GPR137C: variants seen among roughly 807,000 people sequenced by gnomAD.
GPR137C encodes the protein G protein-coupled receptor 137C, also known as integral membrane protein GPR137C.
Under a neutral mutation model 43.4 loss-of-function variants are expected in GPR137C, and 27 were observed. That is an observed-to-expected ratio of 0.62 (90% CI 0.46 to 0.86). GPR137C has a LOEUF of 0.86. GPR137C is among the 40% of genes least tolerant of loss of function. The probability of loss-of-function intolerance (pLI) is 0.00; values close to 1 mark genes in which losing one functional copy is unlikely to be tolerated. For missense variants in GPR137C, 522 were observed against 534.6 expected (o/e 0.98, Z 0.23); for synonymous variants, 285 against 226.9 (o/e 1.26, Z -2.30).
intron 1 of GPR137C, among the ~76,000 whole-genome samples, chr14:52,594,728 G>A (rs1352426834): frequency 6.6e-6 from 1 of 152,008 alleles, no homozygotes; most frequent in Admixed American, 6.6e-5. Flanking sequence ...CATGAGATGG[G>A]TCTCCTGAAT....
chr14:52,610,359 C>T (rs1188319019), intron 3 of GPR137C, among the ~76,000 whole-genome samples: 1 of 152,176 alleles, frequency 6.6e-6, no homozygotes, highest in Non-Finnish European at 1.5e-5. Context: ...AGGGTAGTCT[C>T]CCCTTATCTG....
rs373694592 is a variant in GPR137C at position 52,553,339 on chromosome 14, C to T, written c.192C>T (p.Ala64=). ...TCTACGCCGCGCTGTTCGCCTTTGC[C>T]TACCTGCAGCTGTGGCGGCTGCTCC... ...ALLYAALFAF[A]YLQLWRLLLY... The change falls in exon 1 of 7, where the codon GCC becomes GCT. Residue 64 remains alanine, a synonymous_variant. Transcript: ENST00000321662. The T allele has an allele frequency of 7.5e-6, 12 of 1,601,172 alleles. No individual in the cohort carries two copies. Among genetic ancestry groups the T allele is most frequent in the South Asian group, 1.1e-5 (1 of 90,156 alleles).
intron 1 of GPR137C, among the ~76,000 whole-genome samples, chr14:52,593,202 G>C (rs2038806284): frequency 6.6e-6 from 1 of 152,178 alleles, no homozygotes; most frequent in South Asian, 2.1e-4. Flanking sequence ...TGGTGGATAA[G>C]CTTTTTGATG....
At chr14:52,634,386 G>T (rs765235085) in intron 6 of GPR137C, among the ~76,000 whole-genome samples, 1 of 152,024 alleles carries the variant, frequency 6.6e-6, no homozygotes, top group Admixed American at 6.6e-5. Context: ...TTTCAAGTCC[G>T]TAACTAGTAC....
chr14:52,603,237 T>C (rs1002032494), intron 3 of GPR137C, among the ~76,000 whole-genome samples: 2 of 152,220 alleles, frequency 1.3e-5, no homozygotes, highest in East Asian at 1.9e-4. Flanking sequence ...CTTAACATAA[T>C]GAACTCCAGG....
intron 1 of GPR137C, among the ~76,000 whole-genome samples, chr14:52,558,711 T>C (rs2038232764): frequency 6.6e-6 from 1 of 152,190 alleles, no homozygotes; most frequent in African/African-American, 2.4e-5. Flanking sequence ...TAATCATTTA[T>C]GAATTAAACA....
chr14:52,627,122 A>G (rs2139576661), intron 3 of GPR137C, among the ~76,000 whole-genome samples: 1 of 152,276 alleles, frequency 6.6e-6, no homozygotes, highest in African/African-American at 2.4e-5. Context: ...GCTGGAGGTG[A>G]TGGCTTACAC....
intron 1 of GPR137C, among the ~76,000 whole-genome samples, chr14:52,561,514 A>G (rs1229163163): frequency 6.6e-6 from 1 of 152,220 alleles, no homozygotes; most frequent in East Asian, 1.9e-4. Context: ...ATATGTTCCT[A>G]TAAAAACTTG....
rs184145792 is a variant in GPR137C at position 52,557,511 on chromosome 14, A to G, written c.444+3920A>G. ...GAGTCAGTTACTGTTTACCAGAAAT[A>G]CTGGTTTAGTTCAATGTTTGACTTT... On this transcript the variant is annotated intron_variant, in intron 1 of 6. Transcript: ENST00000321662. Among the ~76,000 whole-genome samples the G allele has an allele frequency of 8.5e-5, 13 of 152,328 alleles. No homozygotes were observed. In the South Asian group the frequency reaches 1.9e-3, roughly 22 times the overall value.
chr14:52,576,256 G>T (rs932162072), intron 1 of GPR137C, among the ~76,000 whole-genome samples: 5 of 152,164 alleles, frequency 3.3e-5, no homozygotes, highest in Non-Finnish European at 5.9e-5. Context: ...TTTTACTTAG[G>T]ATAATGGCCT....
chr14:52,592,472 G>A lies in GPR137C; in HGVS notation c.445-5800G>A, dbSNP rs571810792. On this transcript the variant is annotated intron_variant, in intron 1 of 6. Coordinates refer to ENST00000321662, the MANE Select transcript of GPR137C (RefSeq NM_001099652.2). ...TTCTTCCTATCCATGAGCATGGAAT[G>A]TTCTTCCATTTGTTTGTGTCCTCTT... is the stretch of plus-strand genomic sequence containing the variant. Among the ~76,000 whole-genome samples, 33 of 152,250 alleles carry A rather than the reference G, an allele frequency of 2.2e-4. 1 individual carries two copies. The East Asian group carries it at 4.8e-3, about 22-fold the overall frequency.
Position 52,599,288 on chromosome 14 carries a change from A to C in GPR137C, c.489-825A>C, listed in dbSNP as rs537065473. ...AGTAAATATGCAACTTTTTAAGAAC[A>C]TGAGGTATTAATGGGTGCTTGAAGC... On this transcript the variant is annotated intron_variant, in intron 2 of 6. Coordinates refer to ENST00000321662, the MANE Select transcript of GPR137C (RefSeq NM_001099652.2). Among the ~76,000 whole-genome samples, 8 of 152,308 alleles carry C rather than the reference A, an allele frequency of 5.3e-5. No individual in the cohort carries two copies. The South Asian group carries it at 1.7e-3, about 32-fold the overall frequency.
At chr14:52,600,642 C>T (rs1330169181) in intron 3 of GPR137C, among the ~76,000 whole-genome samples, 3 of 151,890 alleles carry the variant, frequency 2.0e-5, no homozygotes, top group Non-Finnish European at 2.9e-5. Flanking sequence ...ACACTTTGAG[C>T]GTGAAAGAAT....
At chr14:52,622,694 T>G (rs1349703303) in intron 3 of GPR137C, among the ~76,000 whole-genome samples, 1 of 152,150 alleles carries the variant, frequency 6.6e-6, no homozygotes, top group South Asian at 2.1e-4. Context: ...AGTGGTTAGA[T>G]CCACTAACAA....
intron 3 of GPR137C, among the ~76,000 whole-genome samples, chr14:52,623,880 A>G (rs2039189756): frequency 6.6e-6 from 1 of 151,992 alleles, no homozygotes; most frequent in Non-Finnish European, 1.5e-5. Flanking sequence ...AAGCATAGTC[A>G]GTGTCAAGTA....
intron 1 of GPR137C, among the ~76,000 whole-genome samples, chr14:52,557,327 G>T (rs1164776372): frequency 6.6e-6 from 1 of 152,048 alleles, no homozygotes; most frequent in African/African-American, 2.4e-5. Context: ...GTATTGTCTG[G>T]AATCTATTTT....
intron 3 of GPR137C, among the ~76,000 whole-genome samples, chr14:52,615,467 G>GTTTT (rs200188827): frequency 4.3e-5 from 6 of 140,384 alleles, no homozygotes; most frequent in Non-Finnish European, 6.1e-5. Context: ...ACATTTTAGG[G>GTTTT]TTTTTTTTTT....
At chr14:52,624,134 A>G (rs532081668) in intron 3 of GPR137C, among the ~76,000 whole-genome samples, 53 of 151,628 alleles carry the variant, frequency 3.5e-4, no homozygotes, top group Admixed American at 9.8e-4. Flanking sequence ...AAATTCTTAA[A>G]TATTGTAAAA....
intron 1 of GPR137C, among the ~76,000 whole-genome samples, chr14:52,592,986 T>C (rs1276400592): frequency 1.3e-5 from 2 of 152,178 alleles, no homozygotes; most frequent in Non-Finnish European, 2.9e-5. Flanking sequence ...ATAGCTCTTA[T>C]TATTTTGAGA....
Sources: gnomAD v4.1 joint callset for allele counts (sites outside exome capture counted in the v4.1 genomes callset) on GRCh38, gnomAD v4.1.1 for gene constraint, MANE v1.5 for transcripts, NCBI Gene and HGNC (gene_info 2026-07-23, HGNC 2026-07-21) for gene names.